Variants in CXXC1 observed in about 807,000 individuals in gnomAD.
CXXC1 encodes the protein CXXC-type zinc finger protein 1.
Under a neutral mutation model 83.6 loss-of-function variants are expected in CXXC1, and 21 were observed. The observed-to-expected ratio is 0.25, with a 90% CI of 0.18 to 0.36. CXXC1 has a LOEUF of 0.36. Ranked by LOEUF, CXXC1 falls within the 10% of genes least tolerant of loss-of-function variation. CXXC1 has a pLI of 1.00. For missense variants in CXXC1, 688 were observed against 919.5 expected (o/e 0.75, Z 3.26); for synonymous variants, 371 against 337.5 (o/e 1.10, Z -1.09).
At chr18:50,287,373 C>T (rs775396594) in intron 1 of CXXC1, 8 of 593,138 alleles carry the variant, frequency 1.3e-5, no homozygotes, top group Non-Finnish European at 2.4e-5. Flanking sequence ...GGAACTGCCA[C>T]ACGGAGTCCC....
Position 50,286,243 on chromosome 18 carries a change from G to T in CXXC1, c.238C>A (p.Leu80Ile). The T allele has an allele frequency of 6.2e-7, 1 of 1,607,298 alleles. No homozygotes were observed. Reference protein sequence around the residue: ...CRECREKDPKLEIRYRHKKSR... With the variant: ...CRECREKDPKIEIRYRHKKSR... Reference sequence around the variant, plus strand: ...TTCTTGTGCCGATAGCGAATCTCTAGCTTGGGGTCTTTCTCTGTGGGGCAG... The same window carrying T: ...TTCTTGTGCCGATAGCGAATCTCTATCTTGGGGTCTTTCTCTGTGGGGCAG... Residue 80 changes from leucine to isoleucine, a missense_variant, in exon 4 of 15, where the codon CTA becomes ATA. Transcript: ENST00000285106.
chr18:50,284,978 C>A, intron 7 of CXXC1, 24 bp downstream of exon 7: 1 of 1,613,786 alleles, frequency 6.2e-7, no homozygotes, highest in Non-Finnish European at 8.5e-7. Context: ...ACCCTTCCAC[C>A]AGTGGATGCT....
chr18:50,286,124 C>T lies in CXXC1; in HGVS notation c.357G>A (p.Gln119=). Residue 119 remains glutamine, a synonymous_variant, in exon 4 of 15, where the codon CAG becomes CAA. Coordinates refer to ENST00000285106, the MANE Select transcript of CXXC1 (RefSeq NM_014593.4). The part of the protein sequence containing the change: ...RKRPVPDPDL[Q]RRAGSGTGVG... ...CCCCTGTCCCTGACCCTGCCCGGCG[C>T]TGCAGGTCTGGATCAGGGACAGGCC... is the stretch of plus-strand genomic sequence containing the variant. The T allele has an allele frequency of 2.5e-6, 4 of 1,614,012 alleles. No individual in the cohort carries two copies. The highest frequency in any genetic ancestry group is 3.4e-6 in the Non-Finnish European group (4 of 1,179,998).
In CXXC1 at chr18:50,285,841, G is replaced by A; in HGVS notation, c.547C>T (p.His183Tyr). ...TTCATGTCCCGACAGAAATCACAGT[G>A]ACCACAGTCCTCAGTGCGCCGACAT... Reference protein sequence around the residue: ...EACRRTEDCGHCDFCRDMKKF... With the variant: ...EACRRTEDCGYCDFCRDMKKF... The change falls in exon 5 of 15, where the codon CAC becomes TAC. Residue 183 changes from histidine to tyrosine, a missense_variant. Physicochemically the swap from His to Tyr is moderately conservative, Grantham distance 83 (BLOSUM62 2). Around this residue, in one of 9 missense-constraint regions of CXXC1, gnomAD observed 35 missense variants for 92.2 expected, o/e 0.38. Transcript: ENST00000285106. The surrounding 1 kb of genome is among the most constrained non-coding windows in gnomAD (Gnocchi z 4.4). 1.2e-6 allele frequency: 2 copies of A among 1,614,190 alleles called. No homozygotes were observed. Among genetic ancestry groups the A allele is most frequent in the Non-Finnish European group, 8.5e-7 (1 of 1,180,034 alleles).
chr18:50,286,679 C>T (rs762751655), intron 2 of CXXC1, 40 bp from the exon 3 acceptor site: 2 of 1,603,748 alleles, frequency 1.2e-6, no homozygotes, highest in Non-Finnish European at 1.7e-6. Flanking sequence ...GTGAGGGGCG[C>T]GGCCCATCGG....
chr18:50,285,487 C>T lies in CXXC1; in HGVS notation c.640-136G>A, dbSNP rs539064966. 1.7e-6 allele frequency: 2 copies of T among 1,172,224 alleles called. No individual in the cohort carries two copies. Among genetic ancestry groups the T allele is most frequent in the Non-Finnish European group, 2.4e-6 (2 of 841,760 alleles). 72.6% of individuals were successfully genotyped at this position (1,172,224 alleles called of 1,614,324 possible). On this transcript the variant is annotated intron_variant, in intron 5 of 14. Transcript: ENST00000285106. This position sits in a 1 kb window ranked among gnomAD's most constrained non-coding sequence, Gnocchi z 4.4. ...ACCCCTCATTGCCAGGAATGCTCAG[C>T]CCTGCCTGATCTGTACCAACATGCA...
chr18:50,283,458 C>A (rs370820958), intron 12 of CXXC1, 57 bp downstream of exon 12: 139 of 1,610,058 alleles, frequency 8.6e-5, no homozygotes, highest in Non-Finnish European at 1.1e-4. Flanking sequence ...CACACACATC[C>A]CACTTCTGAC....
At chr18:50,287,339 GAACCC>G (rs2040731111) in intron 1 of CXXC1, 1 of 554,608 alleles carries the variant, frequency 1.8e-6, no homozygotes, top group Non-Finnish European at 3.2e-6. Flanking sequence ...TCTGCCCTAA[GAACCC>G]CCGATCATGG....
chr18:50,283,606 CT>C (rs772901692), intron 11 of CXXC1, 42 bp from the exon 12 acceptor site: 3 of 1,611,870 alleles, frequency 1.9e-6, no homozygotes, highest in Middle Eastern at 3.3e-4. Flanking sequence ...TGGATGTGCG[CT>C]GCATGCCCTC....
In CXXC1 at chr18:50,284,554, C is replaced by G; in HGVS notation, c.1029G>C (p.Glu343Asp). Residue 343 changes from glutamate to aspartate, a missense_variant, in exon 9 of 15, where the codon GAG (glutamate) becomes GAC (aspartate). Physicochemically the swap from Glu to Asp is conservative, Grantham distance 45. Coordinates refer to ENST00000285106, the MANE Select transcript of CXXC1 (RefSeq NM_014593.4). ...REKKSEKKKE[E>D]RYKRHRQKQK... ...GCTTCTGCCGATGCCGCTTGTATCG[C>G]TCCTCCTTCTGTTGAGCAAGACAAG... is the stretch of plus-strand genomic sequence containing the variant. The G allele has an allele frequency of 6.3e-7, 1 of 1,585,540 alleles. No individual in the cohort carries two copies. Among genetic ancestry groups the G allele is most frequent in the Non-Finnish European group, 8.6e-7 (1 of 1,164,214 alleles).
In CXXC1 at chr18:50,283,550, C is replaced by A. The variant is rs773144521; in HGVS notation, c.1539G>T (p.Thr513=). The change falls in exon 12 of 15, where the codon ACG becomes ACT. Residue 513 remains threonine (T), a synonymous_variant. Coordinates refer to ENST00000285106, the MANE Select transcript of CXXC1 (RefSeq NM_014593.4). ...GTGTGGGGTACATGGACCCAAAGGA[C>A]GTCTGGCTCTCATACTGGAGGGATG... is the stretch of plus-strand genomic sequence containing the variant. ...ERCYAKYESQ[T]SFGSMYPTRI... is the part of the protein sequence containing the mutation. 1 of 1,613,990 alleles carries A rather than the reference C, an allele frequency of 6.2e-7. No individual in the cohort carries two copies. Among genetic ancestry groups the A allele is most frequent in the South Asian group, 1.1e-5 (1 of 91,064 alleles).
chr18:50,282,612 C>T lies in CXXC1; in HGVS notation c.1952G>A (p.Arg651His). The T allele has an allele frequency of 6.2e-7, 1 of 1,610,600 alleles. No individual in the cohort carries two copies. Residue 651 changes from arginine to histidine, a missense_variant, in exon 15 of 15, where the codon CGC (arginine) becomes CAC (histidine). By Grantham distance (29) the Arg-to-His change is conservative. This residue lies in a region of CXXC1 where 34 missense variants were observed against 27.0 expected (regional missense o/e 1.26). Transcript: ENST00000285106. The surrounding 1 kb of genome is among the most constrained non-coding windows in gnomAD (Gnocchi z 5.8). ...GGAGGCTCAGCGGTCGGCACTGGAG[C>T]GCAGGTCGGTAGTGAGGGGATCGTG... ...IQHDPLTTDL[R>H]SSADR
Position 50,287,640 on chromosome 18 carries a change from C to A in CXXC1, c.-51G>T, listed in dbSNP as rs553544154. The A allele has an allele frequency of 1.7e-4, 268 of 1,605,096 alleles. No homozygotes were observed. The highest frequency in any genetic ancestry group is 2.1e-4 in the Non-Finnish European group (252 of 1,178,522). On this transcript the variant is annotated 5_prime_UTR_variant, in exon 1 of 15. Coordinates refer to ENST00000285106, the MANE Select transcript of CXXC1 (RefSeq NM_014593.4). ...ACGACCCCCGCCAGCGACCCGCGAA[C>A]CTGCACAGACCACTCGGCGGCGTCC...
At position 50,285,238 on chromosome 18, in the gene CXXC1, C is replaced by T; in HGVS notation, c.676G>A (p.Val226Met). The change falls in exon 7 of 15, where the codon GTG (valine) becomes ATG (methionine). Residue 226 changes from valine to methionine, a missense_variant. Coordinates refer to ENST00000285106, the MANE Select transcript of CXXC1 (RefSeq NM_014593.4). This position sits in a 1 kb window ranked among gnomAD's most constrained non-coding sequence, Gnocchi z 4.4. ...YKYFPSSLSP[V>M]TPSESLPRPR... Reference sequence around the variant, plus strand: ...CTTGGCAGGGACTCTGAGGGCGTCACTGGTGAGAGCTGCAGGGCAGAATCT... The same window carrying T: ...CTTGGCAGGGACTCTGAGGGCGTCATTGGTGAGAGCTGCAGGGCAGAATCT... The T allele has an allele frequency of 1.2e-6, 2 of 1,614,140 alleles. No individual in the cohort carries two copies. Among genetic ancestry groups the T allele is most frequent in the Non-Finnish European group, 1.7e-6 (2 of 1,180,000 alleles).
In CXXC1 at chr18:50,282,620, G is replaced by A. The variant is rs1473722711; in HGVS notation, c.1944C>T (p.Thr648=). 1 of 1,611,276 alleles carries A rather than the reference G, an allele frequency of 6.2e-7. No homozygotes were observed. The highest frequency in any genetic ancestry group is 1.7e-5 in the Admixed American group (1 of 60,008). ...HQTIQHDPLT[T]DLRSSADR ...AGCGGTCGGCACTGGAGCGCAGGTC[G>A]GTAGTGAGGGGATCGTGCTGGATCG... The change falls in exon 15 of 15, where the codon ACC becomes ACT. Residue 648 remains threonine, a synonymous_variant. Transcript: ENST00000285106. This position sits in a 1 kb window ranked among gnomAD's most constrained non-coding sequence, Gnocchi z 5.8.
At position 50,285,451 on chromosome 18, in the gene CXXC1, A is replaced by G; in HGVS notation, c.640-100T>C. 7.3e-7 allele frequency: 1 copy of G among 1,367,616 alleles called. No individual in the cohort carries two copies. The highest frequency in any genetic ancestry group is 9.9e-7 in the Non-Finnish European group (1 of 1,011,512). 84.7% of individuals were successfully genotyped at this position (1,367,616 alleles called of 1,614,324 possible). A position where few individuals can be genotyped will look rare whatever the true frequency, so the allele number is the denominator to read the frequency against. ...GGCCTGGCCTTACCTCCCCAGACAC[A>G]CCTCCCCGCTACCCCTCATTGCCAG... On this transcript the variant is annotated intron_variant, in intron 5 of 14. Transcript: ENST00000285106. This position sits in a 1 kb window ranked among gnomAD's most constrained non-coding sequence, Gnocchi z 4.4.
rs1476166131 is a variant in CXXC1, at chr18:50,287,650, C to A, written c.-61G>T. 2.7e-5 allele frequency: 43 copies of A among 1,601,462 alleles called. No individual in the cohort carries two copies. Among genetic ancestry groups the A allele is most frequent in the Non-Finnish European group, 3.7e-5 (43 of 1,177,334 alleles). On this transcript the variant is annotated 5_prime_UTR_variant, in exon 1 of 15. Coordinates refer to ENST00000285106, the MANE Select transcript of CXXC1 (RefSeq NM_014593.4). ...CCAGCGACCCGCGAACCTGCACAGACCACTCGGCGGCGTCCCAGGCGGTTG... is the reference window on the plus strand; with the variant it reads ...CCAGCGACCCGCGAACCTGCACAGAACACTCGGCGGCGTCCCAGGCGGTTG...
intron 3 of CXXC1, 31 bp from the exon 4 acceptor site, chr18:50,286,288 T>G: frequency 6.4e-7 from 1 of 1,557,552 alleles, no homozygotes; most frequent in South Asian, 1.1e-5. Context: ...CCAAAGTGAG[T>G]GAGCACTGGA....
chr18:50,286,345 C>G, intron 3 of CXXC1, 88 bp from the exon 4 acceptor site: 2 of 1,266,350 alleles, frequency 1.6e-6, no homozygotes, highest in Non-Finnish European at 1.1e-6. Context: ...CGCTCCCTTA[C>G]TGACCCACCC....
Sources: gnomAD v4.1 joint callset for allele counts on GRCh38, gnomAD v4.1.1 for gene constraint, gnomAD v4.1.1 regional missense constraint, Gnocchi (gnomAD v3.1) non-coding constraint, MANE v1.5 for transcripts, NCBI Gene and HGNC (gene_info 2026-07-23, HGNC 2026-07-21) for gene names.